The following FBXL20 variants were observed in gnomAD, a reference collection of about 807,000 sequenced individuals.
The protein encoded by FBXL20 is F-box/LRR-repeat protein 20.
A neutral mutation model predicts 64.0 loss-of-function variants in FBXL20; 11 were observed. The observed-to-expected ratio is 0.17, with a 90% CI of 0.11 to 0.28. FBXL20 has a LOEUF of 0.28. Among genes scored for constraint, FBXL20 ranks in the 10% least tolerant of loss-of-function variants. FBXL20 has a pLI of 1.00. For missense variants in FBXL20, 303 were observed against 526.2 expected, an observed-to-expected ratio of 0.58 and a Z score of 4.15; for synonymous variants, 184 against 189.0, an observed-to-expected ratio of 0.97 and a Z score of 0.22.
chr17:39,281,472 A>T lies in FBXL20; in HGVS notation c.622-9T>A. ...AGAGCTTCATCTTCTAGCTAGAAAG[A>T]TTAAAAAGTAAGAAAAAAATGATTA... is the stretch of plus-strand genomic sequence containing the variant. On this transcript the variant is annotated splice_polypyrimidine_tract_variant and intron_variant, in intron 8 of 14. Coordinates refer to ENST00000264658, the MANE Select transcript of FBXL20 (RefSeq NM_032875.3). The T allele has an allele frequency of 2.1e-5, 33 of 1,608,488 alleles. No homozygotes were observed. The highest frequency in any genetic ancestry group is 2.7e-5 in the Non-Finnish European group (32 of 1,176,100).
At position 39,387,227 on chromosome 17, in the gene FBXL20, G is replaced by C. The variant is rs117458104; in HGVS notation, c.42+14134C>G. On this transcript the variant is annotated intron_variant, in intron 1 of 14. Coordinates refer to ENST00000264658, the MANE Select transcript of FBXL20 (RefSeq NM_032875.3). ...CTAACGGATTCTGAGCATGCTTAAGGTAGGTGAGGCTAATCTATGATGTTT... is the reference window on the plus strand; with the variant it reads ...CTAACGGATTCTGAGCATGCTTAAGCTAGGTGAGGCTAATCTATGATGTTT... Among the ~76,000 whole-genome samples the C allele has an allele frequency of 2.8e-3, 422 of 151,354 alleles. 5 individuals are homozygous for C. In the East Asian group the frequency reaches 0.043, roughly 15 times the overall value.
intron 2 of FBXL20, among the ~76,000 whole-genome samples, chr17:39,337,180 G>A (rs531947798): frequency 5.5e-4 from 84 of 152,330 alleles, no homozygotes; most frequent in African/African-American, 1.9e-3. Flanking sequence ...TGGAGACGGG[G>A]TTTCGCTGTG....
At chr17:39,402,221 T>C (rs1822691000), upstream of FBXL20, 2 of 1,231,978 alleles carry the variant, frequency 1.6e-6, no homozygotes, top group Admixed American at 4.2e-5. Flanking sequence ...TCGGAGCCAT[T>C]TTCCTCCTCT....
At chr17:39,314,033 C>G (rs1482603863) in intron 2 of FBXL20, among the ~76,000 whole-genome samples, 1 of 152,104 alleles carries the variant, frequency 6.6e-6, no homozygotes, top group African/African-American at 2.4e-5. Flanking sequence ...CTATGTAATT[C>G]CAGAACATTT....
chr17:39,390,442 T>A (rs1304453105), intron 1 of FBXL20, among the ~76,000 whole-genome samples: 2 of 151,796 alleles, frequency 1.3e-5, no homozygotes, highest in Non-Finnish European at 2.9e-5. Flanking sequence ...GCACCTGTAA[T>A]CCCAGCTACT....
intron 1 of FBXL20, among the ~76,000 whole-genome samples, chr17:39,384,877 G>A (rs2048062316): frequency 1.3e-5 from 2 of 152,134 alleles, no homozygotes; most frequent in Admixed American, 1.3e-4. Context: ...GTGAACCTGA[G>A]AAGCGGAGGT....
At chr17:39,369,415 GC>G (rs780529032) in intron 1 of FBXL20, among the ~76,000 whole-genome samples, 1 of 151,774 alleles carries the variant, frequency 6.6e-6, no homozygotes, top group African/African-American at 2.4e-5. Context: ...ACACTACCAG[GC>G]CCAGGTAATA....
intron 1 of FBXL20, among the ~76,000 whole-genome samples, chr17:39,356,214 C>CAAA (rs56838813): frequency 2.8e-4 from 21 of 75,748 alleles, no homozygotes; most frequent in East Asian, 1.1e-3. Context: ...GACTCCATCT[C>CAAA]AAAAAAAAAA....
chr17:39,367,773 A>T (rs955720914), intron 1 of FBXL20, among the ~76,000 whole-genome samples: 3 of 151,432 alleles, frequency 2.0e-5, no homozygotes, highest in Non-Finnish European at 4.4e-5. Context: ...ATATATATAT[A>T]TTTTGAGAGT....
chr17:39,288,293 T>C (rs556296446), intron 6 of FBXL20, among the ~76,000 whole-genome samples: 8 of 152,268 alleles, frequency 5.3e-5, no homozygotes, highest in Middle Eastern at 3.4e-3. Flanking sequence ...TTATGCTTAT[T>C]TGCCATTCCT....
intron 1 of FBXL20, among the ~76,000 whole-genome samples, chr17:39,362,049 A>C (rs11871813): frequency 0.21 from 32,283 of 151,222 alleles, 3,940 homozygotes; most frequent in African/African-American, 0.33. Context: ...GCACTTTGGG[A>C]GGCCAAGGCG....
chr17:39,288,591 C>CA (rs2047009373), intron 6 of FBXL20, among the ~76,000 whole-genome samples: 1 of 151,918 alleles, frequency 6.6e-6, no homozygotes, highest in African/African-American at 2.4e-5. Flanking sequence ...GTTGAGACTA[C>CA]AGGTATAGGT....
In FBXL20 at chr17:39,324,008, A is replaced by ACC. The variant is rs138382317; in HGVS notation, c.104+19170_104+19171dup. ...CTCGAACTCCTGACCTCGTGATCCA[A>ACC]CCCCCTCCCCCCCCCACCCCCTGGC... On this transcript the variant is annotated intron_variant, in intron 2 of 14. Transcript: ENST00000264658. Among the ~76,000 whole-genome samples, 74 of 129,024 alleles carry ACC rather than the reference A, an allele frequency of 5.7e-4. 1 individual carries two copies. The highest frequency in any genetic ancestry group is 2.0e-3 in the African/African-American group (59 of 29,140). 84.6% of individuals were successfully genotyped at this position (129,024 alleles called of 152,430 possible).
chr17:39,379,241 C>CATA (rs556540452), intron 1 of FBXL20, among the ~76,000 whole-genome samples: 26 of 150,828 alleles, frequency 1.7e-4, no homozygotes, highest in African/African-American at 5.8e-4. Context: ...AATAAAATAA[C>CATA]ATAATAATAA....
chr17:39,373,942 CCGGACA>C (rs1346690843), intron 1 of FBXL20, among the ~76,000 whole-genome samples: 4 of 152,112 alleles, frequency 2.6e-5, no homozygotes, highest in African/African-American at 9.7e-5. Flanking sequence ...TAGATTATGG[CCGGACA>C]CGGTGGTCCA....
chr17:39,342,189 T>TA (rs1412707938), intron 2 of FBXL20, among the ~76,000 whole-genome samples: 2 of 151,804 alleles, frequency 1.3e-5, no homozygotes, highest in African/African-American at 4.8e-5. Flanking sequence ...CTAGAAGTAA[T>TA]AAAAAATAAA....
At chr17:39,352,276 T>C (rs1303278696) in intron 1 of FBXL20, among the ~76,000 whole-genome samples, 1 of 152,048 alleles carries the variant, frequency 6.6e-6, no homozygotes, top group East Asian at 1.9e-4. Context: ...GTGCCGGTAG[T>C]TCCAGCTACT....
chr17:39,303,624 T>G lies in FBXL20; in HGVS notation c.120A>C (p.Leu40=). 3.7e-6 allele frequency: 6 copies of G among 1,610,368 alleles called. No individual in the cohort carries two copies. The highest frequency in any genetic ancestry group is 5.1e-6 in the Non-Finnish European group (6 of 1,178,360). The change falls in exon 3 of 15, where the codon CTA becomes CTC. Residue 40 remains leucine, a synonymous_variant. Transcript: ENST00000264658. ...KELLLRIFSF[L]DVVTLCRCAQ... The stretch of plus-strand genomic sequence containing the variant: ...CACAGCGGCACAGGGTAACAACATC[T>G]AGAAAAGAAAATATCCTAAAAAGAA...
chr17:39,319,195 G>A (rs754691813), intron 2 of FBXL20, among the ~76,000 whole-genome samples: 3 of 151,934 alleles, frequency 2.0e-5, no homozygotes, highest in Non-Finnish European at 4.4e-5. Flanking sequence ...GTTGCAGCGA[G>A]TTGAGATCGC....
Sources: allele counts gnomAD v4.1 joint callset (sites outside exome capture counted in the v4.1 genomes callset), GRCh38; gene constraint gnomAD v4.1.1; transcripts MANE v1.5; gene names NCBI Gene and HGNC (gene_info 2026-07-23, HGNC 2026-07-21).